The following SLC9A9 variants were observed in gnomAD, a reference collection of about 807,000 sequenced individuals.
SLC9A9 encodes the protein sodium/hydrogen exchanger 9.
A neutral mutation model predicts 77.8 loss-of-function variants in SLC9A9; 62 were observed. The observed-to-expected ratio is 0.80, with a 90% CI of 0.65 to 0.98. SLC9A9 has a LOEUF of 0.98. SLC9A9 is among the 50% of genes least tolerant of loss of function. The pLI is 0.00. For synonymous variants in SLC9A9, 320 were observed against 283.5 expected, an observed-to-expected ratio of 1.13 and a Z score of -1.29; for missense variants, 775 against 774.9, an observed-to-expected ratio of 1.00 and a Z score of 0.00.
At chr3:143,830,461 T>A (rs1244093164) in intron 2 of SLC9A9, among the ~76,000 whole-genome samples, 9 of 152,210 alleles carry the variant, frequency 5.9e-5, no homozygotes, top group Non-Finnish European at 1.2e-4. Flanking sequence ...CATTTGGCTC[T>A]GGATGCTGAT....
At chr3:143,696,463 A>C (rs1445031272) in intron 4 of SLC9A9, among the ~76,000 whole-genome samples, 1 of 152,200 alleles carries the variant, frequency 6.6e-6, no homozygotes, top group African/African-American at 2.4e-5. Flanking sequence ...ACAATCAGAA[A>C]TTCAAATTAT....
At chr3:143,637,395 T>C (rs1315428155) in intron 6 of SLC9A9, among the ~76,000 whole-genome samples, 1 of 152,240 alleles carries the variant, frequency 6.6e-6, no homozygotes, top group Non-Finnish European at 1.5e-5. Flanking sequence ...AAAGCTTGAC[T>C]ACATATCTTT....
chr3:143,278,086 G>A (rs546730088), intron 14 of SLC9A9, among the ~76,000 whole-genome samples: 1 of 152,248 alleles, frequency 6.6e-6, no homozygotes, highest in Admixed American at 6.5e-5. Context: ...ATCCATGTCC[G>A]TGCAGAGGAC....
chr3:143,815,633 A>T (rs928774220), intron 2 of SLC9A9, among the ~76,000 whole-genome samples: 3 of 152,062 alleles, frequency 2.0e-5, no homozygotes, highest in Non-Finnish European at 2.9e-5. Flanking sequence ...TGGGAGGCTG[A>T]GGTGGACGGA....
At chr3:143,633,349 T>A (rs1278586191) in intron 6 of SLC9A9, among the ~76,000 whole-genome samples, 1 of 152,164 alleles carries the variant, frequency 6.6e-6, no homozygotes, top group Admixed American at 6.6e-5. Context: ...TAAAAACCCT[T>A]TTACTTACAT....
At chr3:143,807,849 G>T (rs1439476819) in intron 2 of SLC9A9, among the ~76,000 whole-genome samples, 1 of 152,260 alleles carries the variant, frequency 6.6e-6, no homozygotes, top group African/African-American at 2.4e-5. Context: ...TGGGCAGATG[G>T]GGTTGAAGAA....
chr3:143,286,708 G>A (rs1215657300), intron 14 of SLC9A9, among the ~76,000 whole-genome samples: 1 of 152,178 alleles, frequency 6.6e-6, no homozygotes, highest in African/African-American at 2.4e-5. Flanking sequence ...GATCTAGGTG[G>A]AGCTGGAAAG....
chr3:143,787,209 A>G (rs2008080242), intron 4 of SLC9A9, among the ~76,000 whole-genome samples: 1 of 152,200 alleles, frequency 6.6e-6, no homozygotes, highest in African/African-American at 2.4e-5. Flanking sequence ...AATAGCTCCC[A>G]TCATTTGTTG....
intron 13 of SLC9A9, among the ~76,000 whole-genome samples, chr3:143,373,624 A>AG (rs2033108142): frequency 6.6e-6 from 1 of 151,260 alleles, no homozygotes; most frequent in Non-Finnish European, 1.5e-5. Flanking sequence ...AAAAAAAAAA[A>AG]AAAAATAGCC....
intron 9 of SLC9A9, among the ~76,000 whole-genome samples, chr3:143,505,049 C>T (rs1481334554): frequency 6.6e-6 from 1 of 152,074 alleles, no homozygotes; most frequent in Admixed American, 6.6e-5. Flanking sequence ...GGGAAGATAT[C>T]AGTGACTCTG....
At chr3:143,803,805 G>T (rs956423385) in intron 2 of SLC9A9, among the ~76,000 whole-genome samples, 2 of 151,848 alleles carry the variant, frequency 1.3e-5, no homozygotes, top group South Asian at 4.2e-4. Flanking sequence ...AGCTGTCCCC[G>T]CCTTACATAC....
At chr3:143,493,512 G>T in intron 11 of SLC9A9, 141 bp downstream of exon 11, 1 of 708,892 alleles carries the variant, frequency 1.4e-6, no homozygotes, top group Non-Finnish European at 2.5e-6. Flanking sequence ...CAGCACTTAC[G>T]GAGAATCAGC....
intron 12 of SLC9A9, among the ~76,000 whole-genome samples, chr3:143,444,923 A>AC (rs1489532716): frequency 5.3e-5 from 8 of 152,098 alleles, no homozygotes; most frequent in Non-Finnish European, 1.2e-4. Flanking sequence ...GGTTCCGTCT[A>AC]CCCCTGGGCC....
chr3:143,512,539 A>C (rs529616039), intron 9 of SLC9A9, among the ~76,000 whole-genome samples: 1 of 152,252 alleles, frequency 6.6e-6, no homozygotes, highest in African/African-American at 2.4e-5. Flanking sequence ...TTATGCTTAC[A>C]TGATACTGTA....
At chr3:143,420,066 G>A (rs1172411303) in intron 12 of SLC9A9, among the ~76,000 whole-genome samples, 1 of 152,174 alleles carries the variant, frequency 6.6e-6, no homozygotes, top group African/African-American at 2.4e-5. Flanking sequence ...ACTGGACAGG[G>A]TCATGTCCTA....
In SLC9A9 at chr3:143,417,737, G is replaced by A. The variant is rs554797951; in HGVS notation, c.1470-35623C>T. On this transcript the variant is annotated intron_variant, in intron 12 of 15. Transcript: ENST00000316549. Reference sequence around the variant, plus strand: ...ATTGGTCATCTCTGACTCCAGAACCGTAAGTAATAAGTGTCTGTTGTTTAA... The same window carrying A: ...ATTGGTCATCTCTGACTCCAGAACCATAAGTAATAAGTGTCTGTTGTTTAA... Among the ~76,000 whole-genome samples, 20 of 152,182 alleles carry A rather than the reference G, an allele frequency of 1.3e-4. No homozygotes were observed. In the East Asian group the frequency reaches 1.4e-3, roughly 10 times the overall value.
intron 6 of SLC9A9, among the ~76,000 whole-genome samples, chr3:143,643,346 C>T (rs756535770): frequency 1.3e-5 from 2 of 152,002 alleles, no homozygotes; most frequent in African/African-American, 2.4e-5. Flanking sequence ...TGGCAAGTTT[C>T]GTTGCTATTT....
At chr3:143,552,535 G>T in intron 8 of SLC9A9, 85 bp from the exon 9 acceptor site, 1 of 1,130,688 alleles carries the variant, frequency 8.8e-7, no homozygotes. Context: ...TTGGAAAATA[G>T]ACTTGGTGTC....
At chr3:143,631,499 G>C (rs1274678378) in intron 6 of SLC9A9, among the ~76,000 whole-genome samples, 3 of 152,144 alleles carry the variant, frequency 2.0e-5, no homozygotes. Flanking sequence ...TTCCACAGGG[G>C]TTGGGCAGGC....
Sources: gnomAD v4.1 joint callset for allele counts (sites outside exome capture counted in the v4.1 genomes callset) on GRCh38, gnomAD v4.1.1 for gene constraint, MANE v1.5 for transcripts, NCBI Gene and HGNC (gene_info 2026-07-23, HGNC 2026-07-21) for gene names.